The following SLC4A10 variants were observed in gnomAD, a reference collection of about 807,000 sequenced individuals.
SLC4A10 encodes sodium-driven chloride bicarbonate exchanger.
Under a neutral mutation model 137.7 loss-of-function variants are expected in SLC4A10, and 42 were observed. That is an observed-to-expected ratio of 0.30 (90% CI 0.24 to 0.39). The LOEUF (loss-of-function observed/expected upper bound fraction) is 0.39, where lower values mean the gene tolerates loss of function less well. Among genes scored for constraint, SLC4A10 ranks in the 10% least tolerant of loss-of-function variants. SLC4A10 has a pLI of 1.00. For missense variants in SLC4A10, 925 were observed against 1,355.0 expected, an observed-to-expected ratio of 0.68 and a Z score of 4.98; for synonymous variants, 474 against 464.1, an observed-to-expected ratio of 1.02 and a Z score of -0.27.
At chr2:161,689,757 A>G (rs2041800305) in intron 1 of SLC4A10, among the ~76,000 whole-genome samples, 1 of 152,194 alleles carries the variant, frequency 6.6e-6, no homozygotes, top group Admixed American at 6.5e-5. Context: ...AGTTAAATCA[A>G]CACTTTAGTG....
intron 2 of SLC4A10, among the ~76,000 whole-genome samples, chr2:161,777,698 G>C (rs972119142): frequency 1.3e-5 from 2 of 151,872 alleles, no homozygotes; most frequent in African/African-American, 4.8e-5. Flanking sequence ...CCCATTTACT[G>C]TCACGAGAAC....
intron 15 of SLC4A10, among the ~76,000 whole-genome samples, chr2:161,911,563 C>T (rs962408959): frequency 2.0e-5 from 3 of 151,926 alleles, no homozygotes; most frequent in East Asian, 1.9e-4. Context: ...ACATTTTTTG[C>T]GACGTATACA....
chr2:161,649,091 A>G lies in SLC4A10; in HGVS notation c.48+24525A>G, dbSNP rs1375838691. On this transcript the variant is annotated intron_variant, in intron 1 of 26. Transcript: ENST00000446997. The stretch of plus-strand genomic sequence containing the variant: ...TGATATTATTTAAAAATTGTGGGCC[A>G]GGAACAGTGGCTCACGCCTGTAATC... Among the ~76,000 whole-genome samples the G allele has an allele frequency of 3.9e-5, 6 of 152,326 alleles. No homozygotes were observed. The South Asian group carries it at 8.3e-4, about 21-fold the overall frequency.
chr2:161,909,718 T>C (rs897574100), intron 15 of SLC4A10, among the ~76,000 whole-genome samples: 6 of 152,244 alleles, frequency 3.9e-5, no homozygotes, highest in African/African-American at 1.4e-4. Flanking sequence ...TTGCTATGCA[T>C]AGAACGCATA....
chr2:161,669,331 T>C (rs1046138349), intron 1 of SLC4A10, among the ~76,000 whole-genome samples: 16 of 151,790 alleles, frequency 1.1e-4, no homozygotes, highest in African/African-American at 3.9e-4. Context: ...AGTCACTTGG[T>C]CTGTTTCATT....
At chr2:161,722,991 C>G (rs2045853359) in intron 1 of SLC4A10, among the ~76,000 whole-genome samples, 1 of 152,176 alleles carries the variant, frequency 6.6e-6, no homozygotes, top group Non-Finnish European at 1.5e-5. Context: ...TAGGGAATTC[C>G]TCCAGGTCCA....
intron 15 of SLC4A10, among the ~76,000 whole-genome samples, chr2:161,921,756 C>T (rs1027498737): frequency 3.9e-5 from 6 of 152,282 alleles, no homozygotes; most frequent in Middle Eastern, 3.4e-3. Context: ...ATACAATAAA[C>T]GGTAAATGGG....
chr2:161,815,266 G>A (rs2056934425), intron 3 of SLC4A10, among the ~76,000 whole-genome samples: 1 of 152,088 alleles, frequency 6.6e-6, no homozygotes, highest in African/African-American at 2.4e-5. Flanking sequence ...TCCAAGGAGG[G>A]AGGTGATTGG....
At chr2:161,679,872 T>C (rs1272203688) in intron 1 of SLC4A10, among the ~76,000 whole-genome samples, 4 of 152,024 alleles carry the variant, frequency 2.6e-5, no homozygotes, top group Non-Finnish European at 5.9e-5. Flanking sequence ...TCATATTGTT[T>C]TGGGGGCAAA....
chr2:161,686,500 G>A (rs145416027), intron 1 of SLC4A10, among the ~76,000 whole-genome samples: 63 of 152,286 alleles, frequency 4.1e-4, no homozygotes, highest in African/African-American at 1.3e-3. Context: ...TTCAAGGACA[G>A]TTTGACAATA....
At chr2:161,880,545 A>C (rs532665324) in intron 9 of SLC4A10, among the ~76,000 whole-genome samples, 111 of 152,216 alleles carry the variant, frequency 7.3e-4, no homozygotes, top group Middle Eastern at 3.4e-3. Context: ...GTCTATGTTT[A>C]TCCTGTTTGA....
At position 161,964,119 on chromosome 2, in the gene SLC4A10, C is replaced by T; in HGVS notation, c.2863-16C>T. 6.4e-7 allele frequency: 1 copy of T among 1,570,042 alleles called. No homozygotes were observed. The highest frequency in any genetic ancestry group is 1.4e-5 in the African/African-American group (1 of 73,700). On this transcript the variant is annotated splice_polypyrimidine_tract_variant and intron_variant, in intron 21 of 26. Transcript: ENST00000446997. Reference sequence around the variant, plus strand: ...GTCTTACACCTAAAAACAATTTAGTCTGTTTAATCTTTTAGTTCTTTGATA... The same window carrying T: ...GTCTTACACCTAAAAACAATTTAGTTTGTTTAATCTTTTAGTTCTTTGATA...
intron 2 of SLC4A10, among the ~76,000 whole-genome samples, chr2:161,780,741 G>A (rs576110347): frequency 1.3e-5 from 2 of 152,012 alleles, no homozygotes; most frequent in East Asian, 3.9e-4. Context: ...TGCATGTAAA[G>A]TAATTCAAAT....
intron 1 of SLC4A10, among the ~76,000 whole-genome samples, chr2:161,719,854 C>G (rs907871256): frequency 6.6e-6 from 1 of 151,804 alleles, no homozygotes; most frequent in Non-Finnish European, 1.5e-5. Context: ...TGCCTGTTCA[C>G]TCTGATGGTA....
Position 161,914,443 on chromosome 2 carries a change from A to G in SLC4A10, c.1997+8556A>G, listed in dbSNP as rs1344755001. On this transcript the variant is annotated intron_variant, in intron 15 of 26. Transcript: ENST00000446997. ...AAACATGTTCTGTAAAGAAACACTCATGGCCAGGCTCAAAGAGGTTTGTGT... is the reference window on the plus strand; with the variant it reads ...AAACATGTTCTGTAAAGAAACACTCGTGGCCAGGCTCAAAGAGGTTTGTGT... 2.0e-5 allele frequency among the ~76,000 whole-genome samples: 3 copies of G among 152,264 alleles called. No homozygotes were observed. The East Asian group carries it at 5.8e-4, about 29-fold the overall frequency.
At chr2:161,770,110 CT>C (rs1486946244) in intron 1 of SLC4A10, among the ~76,000 whole-genome samples, 2 of 151,894 alleles carry the variant, frequency 1.3e-5, no homozygotes, top group East Asian at 3.9e-4. Flanking sequence ...TTTAGTATAT[CT>C]TTTTATTTCA....
intron 1 of SLC4A10, among the ~76,000 whole-genome samples, chr2:161,723,918 T>A (rs1457856863): frequency 6.6e-6 from 1 of 152,234 alleles, no homozygotes; most frequent in African/African-American, 2.4e-5. Context: ...TGCATCCTGG[T>A]AGACATCTCT....
chr2:161,850,389 C>A (rs2059762731), intron 4 of SLC4A10, among the ~76,000 whole-genome samples: 1 of 151,196 alleles, frequency 6.6e-6, no homozygotes, highest in African/African-American at 2.4e-5. Flanking sequence ...GACTCTGTCT[C>A]AAAAAAATAA....
At chr2:161,849,043 T>C (rs576463105) in intron 4 of SLC4A10, among the ~76,000 whole-genome samples, 1 of 152,318 alleles carries the variant, frequency 6.6e-6, no homozygotes, top group Admixed American at 6.5e-5. Flanking sequence ...GAGCATGGAA[T>C]GTTTTTCCAT....
Sources: allele counts gnomAD v4.1 joint callset (sites outside exome capture counted in the v4.1 genomes callset), GRCh38; gene constraint gnomAD v4.1.1; transcripts MANE v1.5; gene names NCBI Gene and HGNC (gene_info 2026-07-23, HGNC 2026-07-21).